HEATR5A: variants seen among roughly 807,000 people sequenced by gnomAD.
HEATR5A encodes the protein HEAT repeat containing 5A, also known as HEAT repeat-containing protein 5A.
HEATR5A carries 178 observed loss-of-function variants against 218.8 expected under a neutral mutation model. The ratio of observed to expected loss-of-function variants is 0.81; its 90% CI spans 0.72 to 0.92. The LOEUF (loss-of-function observed/expected upper bound fraction) is 0.92, where lower values mean the gene tolerates loss of function less well. Ranked by LOEUF, HEATR5A falls within the 40% of genes least tolerant of loss-of-function variation. HEATR5A has a pLI of 0.00. For synonymous variants in HEATR5A, 864 were observed against 871.6 expected (o/e 0.99, Z 0.15); for missense variants, 2,420 against 2,418.9 (o/e 1.00, Z -0.01).
At chr14:31,320,885 A>G (rs1257054781) in intron 25 of HEATR5A, among the ~76,000 whole-genome samples, 2 of 152,108 alleles carry the variant, frequency 1.3e-5, no homozygotes, top group Non-Finnish European at 2.9e-5. Context: ...GCCCTGCCCA[A>G]AAGACATGTT....
intron 11 of HEATR5A, among the ~76,000 whole-genome samples, chr14:31,375,887 T>A (rs1902209344): frequency 6.6e-6 from 1 of 152,222 alleles, no homozygotes; most frequent in African/African-American, 2.4e-5. Flanking sequence ...ATCAATTTTT[T>A]AAAAACCCAA....
chr14:31,373,797 C>T (rs1902124842), intron 12 of HEATR5A, among the ~76,000 whole-genome samples: 1 of 152,128 alleles, frequency 6.6e-6, no homozygotes, highest in Non-Finnish European at 1.5e-5. Flanking sequence ...CTTCCACCTG[C>T]TCCACCTCTT....
chr14:31,419,121 TTCAGGTC>T (rs1388651411), intron 1 of HEATR5A, among the ~76,000 whole-genome samples: 1 of 152,172 alleles, frequency 6.6e-6, no homozygotes, highest in Non-Finnish European at 1.5e-5. Flanking sequence ...TAAGCTAGAA[TTCAGGTC>T]TCCTGACTTT....
chr14:31,392,307 G>T (rs567794772), intron 6 of HEATR5A, among the ~76,000 whole-genome samples: 1 of 152,128 alleles, frequency 6.6e-6, no homozygotes, highest in South Asian at 2.1e-4. Context: ...CAATGTATCT[G>T]GCAATACTTT....
At position 31,395,210 on chromosome 14, in the gene HEATR5A, C is replaced by A. The variant is rs1470730623; in HGVS notation, c.586G>T (p.Ala196Ser). The A allele has an allele frequency of 5.3e-6, 8 of 1,512,232 alleles. No individual in the cohort carries two copies. Among genetic ancestry groups the A allele is most frequent in the Non-Finnish European group, 7.0e-6 (8 of 1,135,044 alleles). 93.7% of individuals were successfully genotyped at this position (1,512,232 alleles called of 1,614,324 possible). ...LTDRSMAVRC[A>S]AAKCLLELQN... is the part of the protein sequence containing the mutation. ...TTAGATCATTTTACCTTTGCAGCAG[C>A]ACAACGAACAGCCATGGATCTATCT... is the stretch of plus-strand genomic sequence containing the variant. Residue 196 changes from alanine (A) to serine (S), a missense_variant, in exon 5 of 36, where the codon GCT (alanine) becomes TCT (serine). By Grantham distance (99) the Ala-to-Ser change is moderately conservative. Coordinates refer to ENST00000543095, the MANE Select transcript of HEATR5A (RefSeq NM_015473.4).
At position 31,293,601 on chromosome 14, in the gene HEATR5A, C is replaced by T. The variant is rs755809091; in HGVS notation, c.5845G>A (p.Val1949Met). 2 of 1,606,956 alleles carry T rather than the reference C, an allele frequency of 1.2e-6. No individual in the cohort carries two copies. Among genetic ancestry groups the T allele is most frequent in the East Asian group, 2.2e-5 (1 of 44,836 alleles). Residue 1949 changes from valine (V) to methionine (M), a missense_variant, in exon 36 of 36, where the codon GTG becomes ATG. Val to Met is a conservative substitution (Grantham distance 21). Coordinates refer to ENST00000543095, the MANE Select transcript of HEATR5A (RefSeq NM_015473.4). ...ATGAGGATGGGCAAAAGACAGGCCA[C>T]CAGCTGAGCGCCTAGAAAGTAAACA... ...VAEEHHRAQLVACLLPILISF... is the reference protein window; with the variant it reads ...VAEEHHRAQLMACLLPILISF...
intron 9 of HEATR5A, among the ~76,000 whole-genome samples, chr14:31,384,383 G>T (rs1222013293): frequency 6.6e-6 from 1 of 151,402 alleles, no homozygotes; most frequent in Non-Finnish European, 1.5e-5. Context: ...GGCGGGACTT[G>T]CAGTGAGCCA....
intron 25 of HEATR5A, 62 bp downstream of exon 25, chr14:31,321,437 T>TG (rs1900104321): frequency 2.2e-6 from 3 of 1,336,220 alleles, no homozygotes; most frequent in South Asian, 3.0e-5. Flanking sequence ...CCACCATGCC[T>TG]GGCCTCATAG....
At position 31,388,963 on chromosome 14, in the gene HEATR5A, A is replaced by G; in HGVS notation, c.815T>C (p.Val272Ala). The G allele has an allele frequency of 6.2e-7, 1 of 1,613,710 alleles. No individual in the cohort carries two copies. Among genetic ancestry groups the G allele is most frequent in the Non-Finnish European group, 8.5e-7 (1 of 1,179,704 alleles). Reference protein sequence around the residue: ...QSIRRVSLEEVLELLGTGFLR... With the variant: ...QSIRRVSLEEALELLGTGFLR... ...AAACCCTGTTCCTAGTAATTCCAGA[A>G]CTTCCTCCAAAGATACTCTGCGAAT... Residue 272 changes from valine to alanine, a missense_variant, in exon 7 of 36, where the codon GTT becomes GCT. Val to Ala is a moderately conservative substitution (Grantham distance 64, BLOSUM62 0). Transcript: ENST00000543095.
At chr14:31,315,681 G>C (rs1043605960) in intron 27 of HEATR5A, 89 bp downstream of exon 27, 3 of 917,696 alleles carry the variant, frequency 3.3e-6, no homozygotes, top group Non-Finnish European at 4.8e-6. Context: ...CTTATTTGTA[G>C]TTCATTTTAA....
chr14:31,299,944 G>A (rs1267365090), intron 33 of HEATR5A, among the ~76,000 whole-genome samples: 3 of 151,754 alleles, frequency 2.0e-5, no homozygotes, highest in Non-Finnish European at 4.4e-5. Flanking sequence ...GCTGAGGCAG[G>A]AGAATCACTT....
chr14:31,342,320 C>T (rs901513876), intron 21 of HEATR5A, among the ~76,000 whole-genome samples: 1 of 152,056 alleles, frequency 6.6e-6, no homozygotes, highest in Non-Finnish European at 1.5e-5. Flanking sequence ...CCCAGGAGTT[C>T]GAGGCTACTG....
intron 21 of HEATR5A, among the ~76,000 whole-genome samples, chr14:31,339,852 C>A (rs1334180286): frequency 1.3e-5 from 2 of 152,054 alleles, no homozygotes; most frequent in Non-Finnish European, 2.9e-5. Flanking sequence ...TATTTAACAA[C>A]AATGACTAAA....
intron 6 of HEATR5A, among the ~76,000 whole-genome samples, chr14:31,392,930 G>C (rs574634371): frequency 3.9e-5 from 6 of 152,204 alleles, no homozygotes; most frequent in Non-Finnish European, 7.3e-5. Context: ...GGAGAAAGTA[G>C]TAAGCTGTGA....
chr14:31,364,730 T>C (rs1489369849), intron 13 of HEATR5A, among the ~76,000 whole-genome samples: 5 of 150,650 alleles, frequency 3.3e-5, no homozygotes, highest in Admixed American at 2.6e-4. Context: ...GGCCACAAAA[T>C]ATGATCTTTC....
chr14:31,415,995 G>C (rs1470817385), intron 1 of HEATR5A, among the ~76,000 whole-genome samples: 2 of 151,404 alleles, frequency 1.3e-5, no homozygotes, highest in African/African-American at 4.9e-5. Context: ...CTGTCGCCCA[G>C]GCTGGAGTGC....
rs756874541 is a variant in HEATR5A at position 31,374,825 on chromosome 14, C to T, written c.1852G>A (p.Ala618Thr). 1 of 1,612,942 alleles carries T rather than the reference C, an allele frequency of 6.2e-7. No individual in the cohort carries two copies. Among genetic ancestry groups the T allele is most frequent in the Non-Finnish European group, 8.5e-7 (1 of 1,179,382 alleles). ...WQVTLEGRAG[A>T]LCAIKSFVSH... Reference sequence around the variant, plus strand: ...ACTAAATCCAACCTACCACACAGTGCACCAGCTCGTCCTTCCAGGGTCACC... The same window carrying T: ...ACTAAATCCAACCTACCACACAGTGTACCAGCTCGTCCTTCCAGGGTCACC... Residue 618 changes from alanine to threonine, a missense_variant, in exon 12 of 36, where the codon GCA (alanine) becomes ACA (threonine). By Grantham distance (58) the Ala-to-Thr change is moderately conservative. Coordinates refer to ENST00000543095, the MANE Select transcript of HEATR5A (RefSeq NM_015473.4).
chr14:31,395,189 A>G lies in HEATR5A; in HGVS notation c.597+10T>C. The G allele has an allele frequency of 6.7e-7, 1 of 1,483,452 alleles. No homozygotes were observed. The highest frequency in any genetic ancestry group is 8.9e-7 in the Non-Finnish European group (1 of 1,118,306). 91.9% of individuals were successfully genotyped at this position (1,483,452 alleles called of 1,614,324 possible). A position where few individuals can be genotyped will look rare whatever the true frequency, so the allele number is the denominator to read the frequency against. On this transcript the variant is annotated intron_variant, in intron 5 of 35. Coordinates refer to ENST00000543095, the MANE Select transcript of HEATR5A (RefSeq NM_015473.4). Reference sequence around the variant, plus strand: ...TTAATTTTTAAAGTCTGCTTATTAGATCATTTTACCTTTGCAGCAGCACAA... The same window carrying G: ...TTAATTTTTAAAGTCTGCTTATTAGGTCATTTTACCTTTGCAGCAGCACAA...
intron 13 of HEATR5A, among the ~76,000 whole-genome samples, chr14:31,370,898 AC>A (rs1902013540): frequency 6.6e-6 from 1 of 152,250 alleles, no homozygotes; most frequent in South Asian, 2.1e-4. Flanking sequence ...TATGTGATAC[AC>A]TTTTTTAAAA....
Sources: gnomAD v4.1 joint callset for allele counts (sites outside exome capture counted in the v4.1 genomes callset) on GRCh38, gnomAD v4.1.1 for gene constraint, MANE v1.5 for transcripts, NCBI Gene and HGNC (gene_info 2026-07-23, HGNC 2026-07-21) for gene names.